Variants in ZNF354C observed in about 807,000 individuals in gnomAD.
ZNF354C encodes KRAB-zinc finger protein synten.
A neutral mutation model predicts 12.4 loss-of-function variants in ZNF354C; 7 were observed. The observed-to-expected ratio is 0.56, with a 90% CI of 0.32 to 1.06. The LOEUF is 1.06. ZNF354C is among the 50% of genes least tolerant of loss of function. The probability of loss-of-function intolerance (pLI) is 0.04; values close to 1 mark genes in which losing one functional copy is unlikely to be tolerated. For synonymous variants in ZNF354C, 202 were observed against 224.5 expected (o/e 0.90, Z 0.90); for missense variants, 609 against 658.0 (o/e 0.93, Z 0.81).
chr5:179,077,211 C>T (rs1212846659), intron 4 of ZNF354C, 45 bp downstream of exon 4: 133 of 1,489,746 alleles, frequency 8.9e-5, no homozygotes, highest in Non-Finnish European at 1.2e-4. Context: ...TCTTTATAGA[C>T]AAGTAGGTCA....
Position 179,083,227 on chromosome 5 carries a change from T to C in ZNF354C, c.*3130T>C, listed in dbSNP as rs1234958969. On this transcript the variant is annotated 3_prime_UTR_variant, in exon 5 of 5. Transcript: ENST00000315475. ...TCATAAAAAAACCTATAAGAGACAT[T>C]TGGGGGGATATTTGGGGAAATAGGA... 8 of 272,528 alleles carry C rather than the reference T, an allele frequency of 2.9e-5. No individual in the cohort carries two copies. In the East Asian group the frequency reaches 5.4e-4, roughly 19 times the overall value. 16.9% of individuals were successfully genotyped at this position (272,528 alleles called of 1,614,324 possible).
Position 179,079,221 on chromosome 5 carries a change from G to T in ZNF354C, c.789G>T (p.Gln263His), listed in dbSNP as rs1762180785. Residue 263 changes from glutamine (Q) to histidine (H), a missense_variant, in exon 5 of 5, where the codon CAG becomes CAT. Transcript: ENST00000315475. The surrounding 1 kb of genome is among the most constrained non-coding windows in gnomAD (Gnocchi z 4.2). ...FSHRSSLLSH[Q>H]RIHTGEKPYK... ...ACAGATCATCCCTTCTTTCTCATCAGAGAATTCATACTGGAGAGAAACCTT... is the reference window on the plus strand; with the variant it reads ...ACAGATCATCCCTTCTTTCTCATCATAGAATTCATACTGGAGAGAAACCTT... 1 of 1,613,944 alleles carries T rather than the reference G, an allele frequency of 6.2e-7. No individual in the cohort carries two copies. Among genetic ancestry groups the T allele is most frequent in the Non-Finnish European group, 8.5e-7 (1 of 1,180,004 alleles).
In ZNF354C at chr5:179,079,231, A is replaced by G. The variant is rs894610522; in HGVS notation, c.799A>G (p.Thr267Ala). The G allele has an allele frequency of 1.7e-5, 27 of 1,613,964 alleles. 1 individual carries two copies. The highest frequency in any genetic ancestry group is 4.4e-5 in the South Asian group (4 of 91,082). The change falls in exon 5 of 5, where the codon ACT (threonine) becomes GCT (alanine). Residue 267 changes from threonine (T) to alanine (A), a missense_variant. By Grantham distance (58) the Thr-to-Ala change is moderately conservative (BLOSUM62 0). Coordinates refer to ENST00000315475, the MANE Select transcript of ZNF354C (RefSeq NM_014594.3). This position sits in a 1 kb window ranked among gnomAD's most constrained non-coding sequence, Gnocchi z 4.2. ...SSLLSHQRIH[T>A]GEKPYKCNEC... is the part of the protein sequence containing the mutation. The stretch of plus-strand genomic sequence containing the variant: ...CCTTCTTTCTCATCAGAGAATTCAT[A>G]CTGGAGAGAAACCTTACAAGTGTAA...
chr5:179,082,981 T>G lies in ZNF354C; in HGVS notation c.*2884T>G. On this transcript the variant is annotated 3_prime_UTR_variant, in exon 5 of 5. Transcript: ENST00000315475. Reference sequence around the variant, plus strand: ...ACTTCTTTCATATGGAAAAAGAGCTTCTTGCTATCCCCTACTTCATAGTTA... The same window carrying G: ...ACTTCTTTCATATGGAAAAAGAGCTGCTTGCTATCCCCTACTTCATAGTTA... The G allele has an allele frequency of 1.3e-6, 1 of 792,836 alleles. No homozygotes were observed. Among genetic ancestry groups the G allele is most frequent in the Non-Finnish European group, 2.2e-6 (1 of 458,218 alleles). The allele number at this position is 792,836 out of a possible 1,614,324, so 49.1% of individuals were successfully genotyped here.
chr5:179,074,085 T>C (rs924397711), intron 2 of ZNF354C, among the ~76,000 whole-genome samples: 1 of 151,592 alleles, frequency 6.6e-6, no homozygotes. Context: ...CCGGTTCAAG[T>C]GATTCTCCTG....
Position 179,079,310 on chromosome 5 carries a change from T to A in ZNF354C, c.878T>A (p.Val293Glu). 6.2e-7 allele frequency: 1 copy of A among 1,614,122 alleles called. No individual in the cohort carries two copies. Among genetic ancestry groups the A allele is most frequent in the Non-Finnish European group, 8.5e-7 (1 of 1,180,010 alleles). ...TCAACCCTTATCAAACATCTGAGAG[T>A]GCATACTGGAGAGAAACCGTATCGA... ...NSSTLIKHLR[V>E]HTGEKPYRCR... is the part of the protein sequence containing the mutation. Residue 293 changes from valine (V) to glutamate (E), a missense_variant, in exon 5 of 5, where the codon GTG becomes GAG. Val to Glu is a moderately radical substitution (Grantham distance 121). Coordinates refer to ENST00000315475, the MANE Select transcript of ZNF354C (RefSeq NM_014594.3). The surrounding 1 kb of genome is among the most constrained non-coding windows in gnomAD (Gnocchi z 4.2).
At chr5:179,070,823 T>G (rs1001548551) in intron 2 of ZNF354C, among the ~76,000 whole-genome samples, 1 of 150,546 alleles carries the variant, frequency 6.6e-6, no homozygotes, top group South Asian at 2.1e-4. Context: ...TTCCAGATGA[T>G]TAGCAGCCTT....
In ZNF354C at chr5:179,082,896, T is replaced by C; in HGVS notation, c.*2799T>C. ...CCAGGCACTGCACTTGCCAGTGCGC[T>C]GATGAAGAATCACGGAGAACTCCAC... On this transcript the variant is annotated 3_prime_UTR_variant, in exon 5 of 5. Coordinates refer to ENST00000315475, the MANE Select transcript of ZNF354C (RefSeq NM_014594.3). 9.8e-7 allele frequency: 1 copy of C among 1,015,892 alleles called. No individual in the cohort carries two copies. Among genetic ancestry groups the C allele is most frequent in the South Asian group, 1.3e-5 (1 of 77,282 alleles). 62.9% of individuals were successfully genotyped at this position (1,015,892 alleles called of 1,614,324 possible). A position where few individuals can be genotyped will look rare whatever the true frequency, so the allele number is the denominator to read the frequency against.
Position 179,079,778 on chromosome 5 carries a change from T to G in ZNF354C, c.1346T>G (p.Phe449Cys). Reference sequence around the variant, plus strand: ...ACATGTGAGGAATGTGGGAAAGCCTTTGGTTGCAAATCTAACCTTTATAGG... The same window carrying G: ...ACATGTGAGGAATGTGGGAAAGCCTGTGGTTGCAAATCTAACCTTTATAGG... Reference protein sequence around the residue: ...LYTCEECGKAFGCKSNLYRHQ... With the variant: ...LYTCEECGKACGCKSNLYRHQ... The change falls in exon 5 of 5, where the codon TTT becomes TGT. Residue 449 changes from phenylalanine (F) to cysteine (C), a missense_variant. Phe to Cys is a radical substitution (Grantham distance 205, BLOSUM62 -2). Transcript: ENST00000315475. The surrounding 1 kb of genome is among the most constrained non-coding windows in gnomAD (Gnocchi z 4.2). 6.2e-7 allele frequency: 1 copy of G among 1,614,052 alleles called. No individual in the cohort carries two copies. The highest frequency in any genetic ancestry group is 2.2e-5 in the East Asian group (1 of 44,864).
At position 179,078,781 on chromosome 5, in the gene ZNF354C, G is replaced by A; in HGVS notation, c.349G>A (p.Asp117Asn). The A allele has an allele frequency of 6.2e-7, 1 of 1,614,082 alleles. No individual in the cohort carries two copies. Among genetic ancestry groups the A allele is most frequent in the Non-Finnish European group, 8.5e-7 (1 of 1,179,990 alleles). The change falls in exon 5 of 5, where the codon GAT (aspartate) becomes AAT (asparagine). Residue 117 changes from aspartate to asparagine, a missense_variant. Asp to Asn is a conservative substitution (Grantham distance 23). Coordinates refer to ENST00000315475, the MANE Select transcript of ZNF354C (RefSeq NM_014594.3). Reference sequence around the variant, plus strand: ...AATGGTAAAGAAAGAATCCATTAAGGATGGTCACTGGGACATTAACTTTGA... The same window carrying A: ...AATGGTAAAGAAAGAATCCATTAAGAATGGTCACTGGGACATTAACTTTGA... Reference protein sequence around the residue: ...QGMVKKESIKDGHWDINFEEA... With the variant: ...QGMVKKESIKNGHWDINFEEA...
intron 2 of ZNF354C, among the ~76,000 whole-genome samples, chr5:179,072,994 A>G (rs1438987736): frequency 6.6e-6 from 1 of 152,208 alleles, no homozygotes; most frequent in African/African-American, 2.4e-5. Flanking sequence ...ATATTGGGGA[A>G]AGTCATAGAG....
In ZNF354C at chr5:179,080,122, T is replaced by G. The variant is rs1405470550; in HGVS notation, c.*25T>G. ...GTTCATCTCTCAAATAATCCAAGAC[T>G]TCTCACTGGGGAATAAGGGAATAAT... On this transcript the variant is annotated 3_prime_UTR_variant, in exon 5 of 5. Coordinates refer to ENST00000315475, the MANE Select transcript of ZNF354C (RefSeq NM_014594.3). 2 of 1,474,552 alleles carry G rather than the reference T, an allele frequency of 1.4e-6. No homozygotes were observed. The highest frequency in any genetic ancestry group is 1.4e-5 in the African/African-American group (1 of 70,730). The allele number at this position is 1,474,552 out of a possible 1,614,324, so 91.3% of individuals were successfully genotyped here.
intron 2 of ZNF354C, among the ~76,000 whole-genome samples, chr5:179,074,348 G>A (rs1028887381): frequency 1.0e-4 from 15 of 148,690 alleles, no homozygotes; most frequent in Non-Finnish European, 3.0e-5. Flanking sequence ...GGAAGTTCTC[G>A]CACTCCTGAC....
chr5:179,071,363 G>C (rs1010256595), intron 2 of ZNF354C, among the ~76,000 whole-genome samples: 2 of 147,958 alleles, frequency 1.4e-5, no homozygotes, highest in African/African-American at 4.9e-5. Flanking sequence ...ACTTTGCCAG[G>C]CTCATTTTTT....
intron 2 of ZNF354C, among the ~76,000 whole-genome samples, chr5:179,062,789 C>T (rs1361197702): frequency 6.6e-6 from 1 of 152,198 alleles, no homozygotes; most frequent in Non-Finnish European, 1.5e-5. Flanking sequence ...TCTCACCTGT[C>T]TGATTGATTC....
intron 2 of ZNF354C, among the ~76,000 whole-genome samples, chr5:179,065,426 G>GT (rs1399252921): frequency 3.3e-5 from 5 of 150,894 alleles, no homozygotes; most frequent in South Asian, 2.1e-4. Flanking sequence ...TTGTTTTTTT[G>GT]TTTTTTTTGA....
Position 179,082,582 on chromosome 5 carries a change from G to C in ZNF354C, c.*2485G>C, listed in dbSNP as rs888841587. On this transcript the variant is annotated 3_prime_UTR_variant, in exon 5 of 5. Coordinates refer to ENST00000315475, the MANE Select transcript of ZNF354C (RefSeq NM_014594.3). ...AAAAGAACTAAGTATTCCAGATTTC[G>C]GGAGGGATGAAGAGGGAGATATTCA... 1.1e-6 allele frequency: 1 copy of C among 929,802 alleles called. No homozygotes were observed. Among genetic ancestry groups the C allele is most frequent in the Non-Finnish European group, 1.8e-6 (1 of 559,208 alleles). 57.6% of individuals were successfully genotyped at this position (929,802 alleles called of 1,614,324 possible). A position where few individuals can be genotyped will look rare whatever the true frequency, so the allele number is the denominator to read the frequency against.
intron 1 of ZNF354C, 139 bp from the exon 2 acceptor site, chr5:179,061,876 G>GTA: frequency 3.0e-6 from 2 of 663,796 alleles, no homozygotes; most frequent in East Asian, 5.2e-5. Flanking sequence ...TAGTAAACTA[G>GTA]TAAACACTCT....
Position 179,079,451 on chromosome 5 carries a change from G to A in ZNF354C, c.1019G>A (p.Arg340Lys), listed in dbSNP as rs754844304. The A allele has an allele frequency of 2.5e-6, 4 of 1,613,592 alleles. No homozygotes were observed. Among genetic ancestry groups the A allele is most frequent in the Non-Finnish European group, 3.4e-6 (4 of 1,179,902 alleles). The change falls in exon 5 of 5, where the codon AGA becomes AAA. Residue 340 changes from arginine to lysine, a missense_variant. Arg to Lys is a conservative substitution (Grantham distance 26). Transcript: ENST00000315475. This position sits in a 1 kb window ranked among gnomAD's most constrained non-coding sequence, Gnocchi z 4.2. ...CGECEKAFNC[R>K]AKLHRHQRIH... is the part of the protein sequence containing the mutation. Reference sequence around the variant, plus strand: ...GAATGTGAGAAGGCCTTCAACTGTAGAGCAAAACTTCACAGGCATCAAAGA... The same window carrying A: ...GAATGTGAGAAGGCCTTCAACTGTAAAGCAAAACTTCACAGGCATCAAAGA...
Sources: allele counts gnomAD v4.1 joint callset (sites outside exome capture counted in the v4.1 genomes callset), GRCh38; gene constraint gnomAD v4.1.1; non-coding constraint Gnocchi (gnomAD v3.1); transcripts MANE v1.5; gene names NCBI Gene and HGNC (gene_info 2026-07-23, HGNC 2026-07-21).